Variants in TRAPPC8 observed in about 807,000 individuals in gnomAD.
TRAPPC8 encodes the protein general sporulation gene 1 homolog.
A neutral mutation model predicts 174.3 loss-of-function variants in TRAPPC8; 54 were observed. The ratio of observed to expected loss-of-function variants is 0.31; its 90% confidence interval spans 0.25 to 0.39. The LOEUF is 0.39. Ranked by LOEUF, TRAPPC8 falls within the 10% of genes least tolerant of loss-of-function variation. TRAPPC8 has a pLI of 1.00. For synonymous variants in TRAPPC8, 630 were observed against 579.9 expected (o/e 1.09, Z -1.24); for missense variants, 1,531 against 1,699.1 (o/e 0.90, Z 1.74).
At chr18:31,909,573 AT>A in intron 6 of TRAPPC8, 93 bp downstream of exon 6, 2 of 1,475,538 alleles carry the variant, frequency 1.4e-6, no homozygotes, top group Non-Finnish European at 1.8e-6. Context: ...ATTATGAAAA[AT>A]TTCCCCCATC....
intron 5 of TRAPPC8, among the ~76,000 whole-genome samples, chr18:31,911,249 G>A (rs538653582): frequency 1.3e-5 from 2 of 152,252 alleles, no homozygotes; most frequent in African/African-American, 2.4e-5. Context: ...AGGCGCTGTG[G>A]CTTACGCCTG....
chr18:31,901,656 G>A (rs2036432151), intron 9 of TRAPPC8, among the ~76,000 whole-genome samples: 1 of 152,194 alleles, frequency 6.6e-6, no homozygotes, highest in Non-Finnish European at 1.5e-5. Flanking sequence ...AATTACGAAA[G>A]GCTCAGGCAA....
chr18:31,892,430 T>C (rs2035993991), intron 11 of TRAPPC8, among the ~76,000 whole-genome samples: 1 of 152,214 alleles, frequency 6.6e-6, no homozygotes, highest in Non-Finnish European at 1.5e-5. Context: ...AAAGCTACAC[T>C]GTCTTCCATT....
chr18:31,839,488 TA>T (rs950523464), intron 26 of TRAPPC8, 31 bp from the exon 27 acceptor site: 7 of 1,520,068 alleles, frequency 4.6e-6, no homozygotes, highest in Non-Finnish European at 6.1e-6. Flanking sequence ...CATATGACAA[TA>T]AAAACACTAC....
chr18:31,903,107 C>CGTGT (rs1555674910), intron 9 of TRAPPC8, among the ~76,000 whole-genome samples: 1 of 137,528 alleles, frequency 7.3e-6, no homozygotes, highest in Non-Finnish European at 1.6e-5. Context: ...TTTGATTGCG[C>CGTGT]GCGTGCGTGC....
intron 14 of TRAPPC8, among the ~76,000 whole-genome samples, chr18:31,872,090 T>C (rs942042472): frequency 1.3e-5 from 2 of 152,132 alleles, no homozygotes; most frequent in Non-Finnish European, 2.9e-5. Context: ...ATAGTATACA[T>C]TGTACCCATA....
intron 21 of TRAPPC8, among the ~76,000 whole-genome samples, chr18:31,854,287 T>G (rs1182783551): frequency 6.6e-6 from 1 of 152,170 alleles, no homozygotes; most frequent in Non-Finnish European, 1.5e-5. Flanking sequence ...CATTTTCTTT[T>G]TATTTCTCTA....
At chr18:31,892,298 A>G (rs1942997432) in intron 11 of TRAPPC8, among the ~76,000 whole-genome samples, 1 of 152,166 alleles carries the variant, frequency 6.6e-6, no homozygotes, top group Admixed American at 6.5e-5. Flanking sequence ...CCTAATACAT[A>G]TGCATTTTTA....
In TRAPPC8 at chr18:31,830,105, C is replaced by T. The variant is rs11873080; in HGVS notation, c.*650G>A. On this transcript the variant is annotated 3_prime_UTR_variant, in exon 29 of 29. Coordinates refer to ENST00000283351, the MANE Select transcript of TRAPPC8 (RefSeq NM_014939.5). Reference sequence around the variant, plus strand: ...ATATGGTAATTTTAATGACAAAAATCGTATTGTGAAATAGCGCACTCTATA... The same window carrying T: ...ATATGGTAATTTTAATGACAAAAATTGTATTGTGAAATAGCGCACTCTATA... The T allele has an allele frequency of 0.061, 9,350 of 152,484 alleles. 342 individuals carry two copies. Among genetic ancestry groups the T allele is most frequent in the Non-Finnish European group, 0.078 (5,323 of 67,998 alleles). 9.4% of individuals were successfully genotyped at this position (152,484 alleles called of 1,614,324 possible). A position where few individuals can be genotyped will look rare whatever the true frequency, so the allele number is the denominator to read the frequency against.
intron 4 of TRAPPC8, among the ~76,000 whole-genome samples, chr18:31,913,817 C>G (rs550761595): frequency 6.6e-6 from 1 of 152,184 alleles, no homozygotes; most frequent in East Asian, 1.9e-4. Flanking sequence ...CACTCCTCTA[C>G]GTTATTCAAA....
chr18:31,936,303 ATTT>A (rs1229924426), intron 1 of TRAPPC8, among the ~76,000 whole-genome samples: 1 of 149,812 alleles, frequency 6.7e-6, no homozygotes, highest in Non-Finnish European at 1.5e-5. Context: ...TACAAAAAAA[ATTT>A]TTTTTTTAAT....
intron 22 of TRAPPC8, among the ~76,000 whole-genome samples, chr18:31,853,053 A>C (rs1191687644): frequency 6.6e-6 from 1 of 152,176 alleles, no homozygotes; most frequent in Non-Finnish European, 1.5e-5. Flanking sequence ...ACACTCTGCT[A>C]TATGTTTTCC....
At chr18:31,915,325 G>C (rs542028739) in intron 4 of TRAPPC8, among the ~76,000 whole-genome samples, 1 of 152,104 alleles carries the variant, frequency 6.6e-6, no homozygotes, top group African/African-American at 2.4e-5. Context: ...GCCGGGCGTA[G>C]TGTCATGTGC....
chr18:31,926,131 CTG>C (rs1300629877), intron 2 of TRAPPC8, among the ~76,000 whole-genome samples: 2 of 152,144 alleles, frequency 1.3e-5, no homozygotes, highest in Non-Finnish European at 2.9e-5. Flanking sequence ...ATTATATTCT[CTG>C]TGTTTTACAG....
intron 2 of TRAPPC8, among the ~76,000 whole-genome samples, chr18:31,919,090 T>C (rs1598738335): frequency 1.3e-5 from 2 of 152,186 alleles, no homozygotes; most frequent in Admixed American, 1.3e-4. Context: ...GTGCCAAATA[T>C]ACAGATATTT....
chr18:31,898,269 G>A (rs1407437851), intron 10 of TRAPPC8, among the ~76,000 whole-genome samples: 2 of 151,974 alleles, frequency 1.3e-5, no homozygotes, highest in Non-Finnish European at 2.9e-5. Flanking sequence ...AGTTGAATCT[G>A]CAGATGCAGA....
intron 1 of TRAPPC8, among the ~76,000 whole-genome samples, chr18:31,938,696 T>A (rs2144321484): frequency 6.6e-6 from 1 of 152,326 alleles, no homozygotes; most frequent in Admixed American, 6.5e-5. Flanking sequence ...TTAACATATT[T>A]TTTCTCCCTC....
intron 20 of TRAPPC8, among the ~76,000 whole-genome samples, chr18:31,856,902 C>T (rs1355556415): frequency 7.0e-6 from 1 of 142,498 alleles, no homozygotes; most frequent in Non-Finnish European, 1.5e-5. Context: ...GTCTTGACTT[C>T]CTGGGCTCAA....
In TRAPPC8 at chr18:31,875,459, G is replaced by A. The variant is rs540381372; in HGVS notation, c.1729-755C>T. Among the ~76,000 whole-genome samples the A allele has an allele frequency of 3.3e-5, 5 of 151,970 alleles. No homozygotes were observed. In the East Asian group the frequency reaches 7.7e-4, roughly 23 times the overall value. ...CTGCCAGAACTCACTGGCCAGTGTTGTGACCACTGAAAGGTTATGCCTCAC... is the reference window on the plus strand; with the variant it reads ...CTGCCAGAACTCACTGGCCAGTGTTATGACCACTGAAAGGTTATGCCTCAC... On this transcript the variant is annotated intron_variant, in intron 12 of 28. Transcript: ENST00000283351.
Sources: gnomAD v4.1 joint callset for allele counts (sites outside exome capture counted in the v4.1 genomes callset) on GRCh38, gnomAD v4.1.1 for gene constraint, MANE v1.5 for transcripts, NCBI Gene and HGNC (gene_info 2026-07-23, HGNC 2026-07-21) for gene names.